PLA2G4E: variants seen among roughly 807,000 people sequenced by gnomAD.
The protein encoded by PLA2G4E is phospholipase A2 group IVE, also known as cytosolic phospholipase A2 epsilon.
A neutral mutation model predicts 109.1 loss-of-function variants in PLA2G4E; 84 were observed. The observed-to-expected ratio is 0.77, with a 90% CI of 0.65 to 0.92. The LOEUF (loss-of-function observed/expected upper bound fraction) is 0.92, where lower values mean the gene tolerates loss of function less well. PLA2G4E is among the 40% of genes least tolerant of loss of function. The pLI is 0.00. For synonymous variants in PLA2G4E, 469 were observed against 436.1 expected (o/e 1.08, Z -0.94); for missense variants, 1,057 against 1,076.6 (o/e 0.98, Z 0.25).
chr15:42,045,273 G>T (rs1281030578), intron 1 of PLA2G4E, among the ~76,000 whole-genome samples: 1 of 152,192 alleles, frequency 6.6e-6, no homozygotes, highest in Non-Finnish European at 1.5e-5. Flanking sequence ...CTCACTCCAC[G>T]TGGGTGGCAC....
chr15:42,018,821 G>C (rs1397874737), intron 1 of PLA2G4E, among the ~76,000 whole-genome samples: 1 of 152,166 alleles, frequency 6.6e-6, no homozygotes, highest in African/African-American at 2.4e-5. Flanking sequence ...ATGTGGAAAA[G>C]AGGCAGCCCC....
At chr15:42,035,982 T>C (rs1420720241) in intron 1 of PLA2G4E, among the ~76,000 whole-genome samples, 1 of 135,496 alleles carries the variant, frequency 7.4e-6, no homozygotes, top group Admixed American at 7.4e-5. Context: ...ATATCCATTC[T>C]GCTATAAACA....
At chr15:42,000,354 A>C in intron 7 of PLA2G4E, 72 bp from the exon 8 acceptor site, 1 of 1,418,178 alleles carries the variant, frequency 7.1e-7, no homozygotes, top group Non-Finnish European at 9.5e-7. Flanking sequence ...TCCAGCAAAA[A>C]ACCTATTTGG....
rs1470906827 is a variant in PLA2G4E at position 42,013,814 on chromosome 15, C to G, written c.184-57G>C. 1.1e-4 allele frequency: 165 copies of G among 1,450,712 alleles called. 1 individual carries two copies. The highest frequency in any genetic ancestry group is 1.4e-4 in the Non-Finnish European group (147 of 1,062,928). The allele number at this position is 1,450,712 out of a possible 1,614,324, so 89.9% of individuals were successfully genotyped here. A position where few individuals can be genotyped will look rare whatever the true frequency, so the allele number is the denominator to read the frequency against. On this transcript the variant is annotated intron_variant, in intron 1 of 19. Coordinates refer to ENST00000399518, the Ensembl canonical transcript of PLA2G4E. Reference sequence around the variant, plus strand: ...TCAAGCATTACTCCAAGGCCATTGCCCCGGGGGAGACTTTCCCGCTATGCC... The same window carrying G: ...TCAAGCATTACTCCAAGGCCATTGCGCCGGGGGAGACTTTCCCGCTATGCC...
intron 2 of PLA2G4E, chr15:42,010,155 CA>C: frequency 3.9e-6 from 2 of 510,622 alleles, no homozygotes; most frequent in South Asian, 1.5e-5. Context: ...GGGCCTGGAC[CA>C]CACCCTTCAG....
At chr15:41,989,917 G>A (rs563432031) in intron 14 of PLA2G4E, among the ~76,000 whole-genome samples, 1 of 152,356 alleles carries the variant, frequency 6.6e-6, no homozygotes, top group African/African-American at 2.4e-5. Flanking sequence ...GCCCAGGGAA[G>A]CTGCAGACAG....
chr15:42,046,282 C>T (rs779005365), intron 1 of PLA2G4E, among the ~76,000 whole-genome samples: 5 of 152,218 alleles, frequency 3.3e-5, no homozygotes, highest in Admixed American at 6.5e-5. Flanking sequence ...CCTCCATGGG[C>T]TCCCCCTGTC....
intron 1 of PLA2G4E, among the ~76,000 whole-genome samples, chr15:42,021,556 G>A (rs1280286806): frequency 6.6e-6 from 1 of 152,206 alleles, no homozygotes; most frequent in East Asian, 1.9e-4. Flanking sequence ...GCTAGAGGGT[G>A]AAGAAAGAAA....
chr15:41,995,413 C>A, exon 12 of PLA2G4E: 4 of 1,613,726 alleles, frequency 2.5e-6, no homozygotes, highest in Non-Finnish European at 3.4e-6. Context: ...GGAGGTTCAG[C>A]TTCTGCAGCC....
exon 7 of PLA2G4E, chr15:42,001,197 C>G (rs777979939): frequency 6.2e-7 from 1 of 1,613,782 alleles, no homozygotes; most frequent in Admixed American, 1.7e-5. Flanking sequence ...GTGCATGAAC[C>G]TCCAGGCAGG....
Position 42,013,757 on chromosome 15 carries a change from C to T in PLA2G4E, c.184G>A (p.Glu62Lys), listed in dbSNP as rs1037408782. 38 of 1,549,944 alleles carry T rather than the reference C, an allele frequency of 2.5e-5. No individual in the cohort carries two copies. The highest frequency in any genetic ancestry group is 3.1e-5 in the Non-Finnish European group (35 of 1,146,636). Residue 62 changes from glutamate (E) to lysine (K), a missense_variant and splice_region_variant, in exon 2 of 20, where the codon GAG (glutamate) becomes AAG (lysine). By Grantham distance (56) the Glu-to-Lys change is moderately conservative. Coordinates refer to ENST00000399518, the Ensembl canonical transcript of PLA2G4E. ...AACAGGTGGCATGGAGACAGCCCCT[C>T]CTGTGGAAGGAGAGGACAGAGGACT...
chr15:42,028,395 A>ATTTCTTTC (rs879764941), intron 1 of PLA2G4E, among the ~76,000 whole-genome samples: 1,916 of 141,216 alleles, frequency 0.014, 36 homozygotes, highest in African/African-American at 0.047. Flanking sequence ...TTATTTATTT[A>ATTTCTTTC]TTTATTTATT....
chr15:42,006,319 C>T (rs1394298083), intron 3 of PLA2G4E, 198 bp from the exon 4 acceptor site: 2 of 538,798 alleles, frequency 3.7e-6, no homozygotes, highest in East Asian at 7.7e-5. Context: ...TCCTTTCCAA[C>T]TCCCTGAAGC....
intron 11 of PLA2G4E, among the ~76,000 whole-genome samples, chr15:41,996,432 G>A (rs2068342514): frequency 6.6e-6 from 1 of 150,692 alleles, no homozygotes; most frequent in Non-Finnish European, 1.5e-5. Context: ...TTTCCTTTGA[G>A]TGGGGGCTGT....
intron 13 of PLA2G4E, 36 bp from the exon 14 acceptor site, chr15:41,990,271 GC>G: frequency 6.3e-7 from 1 of 1,582,966 alleles, no homozygotes; most frequent in Non-Finnish European, 8.7e-7. Context: ...AGAAGCAGCA[GC>G]CCAGAGGGTG....
rs990185125 is a variant in PLA2G4E at position 42,013,831 on chromosome 15, C to T, written c.184-74G>A. On this transcript the variant is annotated intron_variant, in intron 1 of 19. Transcript: ENST00000399518. ...GCCATTGCCCCGGGGGAGACTTTCC[C>T]GCTATGCCTCCTCAGGCCGGCCCAG... The T allele has an allele frequency of 3.6e-5, 45 of 1,250,990 alleles. No homozygotes were observed. The East Asian group carries it at 6.0e-4, about 17-fold the overall frequency. The allele number at this position is 1,250,990 out of a possible 1,614,324, so 77.5% of individuals were successfully genotyped here.
At chr15:42,020,064 G>A (rs761222897) in intron 1 of PLA2G4E, among the ~76,000 whole-genome samples, 3 of 152,256 alleles carry the variant, frequency 2.0e-5, no homozygotes, top group Non-Finnish European at 4.4e-5. Context: ...CACACCCCAG[G>A]AGGCAGTGTC....
chr15:42,010,199 A>G (rs752392006), intron 2 of PLA2G4E: 2 of 526,398 alleles, frequency 3.8e-6, no homozygotes, highest in Admixed American at 3.9e-5. Flanking sequence ...GCCTGCAGGC[A>G]GGGTGCCAGC....
intron 1 of PLA2G4E, among the ~76,000 whole-genome samples, chr15:42,034,692 GAGA>G (rs1029822957): frequency 1.5e-4 from 23 of 152,344 alleles, no homozygotes; most frequent in African/African-American, 3.6e-4. Flanking sequence ...GAGAAAGAGA[GAGA>G]AGAAGAGGTC....
Sources: allele counts gnomAD v4.1 joint callset (sites outside exome capture counted in the v4.1 genomes callset), GRCh38; gene constraint gnomAD v4.1.1; transcripts MANE v1.5; gene names NCBI Gene and HGNC (gene_info 2026-07-23, HGNC 2026-07-21).